POLR3C: variants seen among roughly 807,000 people sequenced by gnomAD.
POLR3C encodes DNA-directed RNA polymerase III subunit RPC3.
In POLR3C, 44 loss-of-function variants were observed where a neutral mutation model predicts 65.9. The ratio of observed to expected loss-of-function variants is 0.67; its 90% confidence interval spans 0.52 to 0.86. The LOEUF (loss-of-function observed/expected upper bound fraction) is 0.86. Among genes scored for constraint, POLR3C ranks in the 40% least tolerant of loss-of-function variants. POLR3C has a pLI of 0.00. For synonymous variants in POLR3C, 263 were observed against 231.6 expected, an observed-to-expected ratio of 1.14 and a Z score of -1.23; for missense variants, 576 against 653.2, an observed-to-expected ratio of 0.88 and a Z score of 1.29.
rs782403007 is a variant in POLR3C, at chr1:145,826,974, C to T, written c.558C>T (p.Asp186=). 3 of 1,611,660 alleles carry T rather than the reference C, an allele frequency of 1.9e-6. No homozygotes were observed. Among genetic ancestry groups the T allele is most frequent in the African/African-American group, 1.3e-5 (1 of 74,710 alleles). ...PAPTLVINEK[D]MYLVPKLSLI... Reference sequence around the variant, plus strand: ...CCACACTTGTCATTAATGAAAAGGACATGTACCTGGTTCCTAAACTCAGCT... The same window carrying T: ...CCACACTTGTCATTAATGAAAAGGATATGTACCTGGTTCCTAAACTCAGCT... The change falls in exon 4 of 15, where the codon GAC becomes GAT. Residue 186 remains aspartate (D), a synonymous_variant. Coordinates refer to ENST00000334163, the MANE Select transcript of POLR3C (RefSeq NM_006468.8).
At chr1:145,834,131 A>T (rs1185086181) in intron 7 of POLR3C, among the ~76,000 whole-genome samples, 1 of 152,220 alleles carries the variant, frequency 6.6e-6, no homozygotes, top group Non-Finnish European at 1.5e-5. Flanking sequence ...CCTGTACAGC[A>T]TGTTACTGTA....
In POLR3C at chr1:145,837,930, T is replaced by C. The variant is rs1457063295; in HGVS notation, c.1071-126T>C. On this transcript the variant is annotated intron_variant, in intron 10 of 14. Coordinates refer to ENST00000334163, the MANE Select transcript of POLR3C (RefSeq NM_006468.8). ...ACCAACCTATGGAGCTGTAGAATAA[T>C]TTTCTGATCACTGTTCCTGTCTGGT... is the stretch of plus-strand genomic sequence containing the variant. 17 of 835,616 alleles carry C rather than the reference T, an allele frequency of 2.0e-5. No individual in the cohort carries two copies. The Admixed American group carries it at 2.8e-4, about 14-fold the overall frequency. 51.8% of individuals were successfully genotyped at this position (835,616 alleles called of 1,614,324 possible). A position where few individuals can be genotyped will look rare whatever the true frequency, so the allele number is the denominator to read the frequency against.
chr1:145,833,712 G>C (rs587639325), intron 7 of POLR3C, 130 bp downstream of exon 7: 1 of 676,226 alleles, frequency 1.5e-6, no homozygotes, highest in East Asian at 2.5e-5. Flanking sequence ...GTGGAGCAGG[G>C]ATTATCTTCA....
At chr1:145,841,713 T>TAAA (rs1652307449) in intron 14 of POLR3C, among the ~76,000 whole-genome samples, 2 of 152,184 alleles carry the variant, frequency 1.3e-5, no homozygotes, top group Admixed American at 1.3e-4. Context: ...TTTTTGCAGA[T>TAAA]TCTTTGAGAT....
intron 14 of POLR3C, among the ~76,000 whole-genome samples, chr1:145,841,868 G>A (rs1262388535): frequency 6.6e-6 from 1 of 151,906 alleles, no homozygotes; most frequent in Non-Finnish European, 1.5e-5. Context: ...TACAAAAGCA[G>A]ACATCTTTGT....
chr1:145,827,617 G>A (rs1345610373), intron 4 of POLR3C, among the ~76,000 whole-genome samples: 1 of 152,064 alleles, frequency 6.6e-6, no homozygotes, highest in African/African-American at 2.4e-5. Context: ...AAATTAGCTG[G>A]GTGTGGTGGC....
At chr1:145,835,510 G>T (rs1271570929) in intron 7 of POLR3C, among the ~76,000 whole-genome samples, 3 of 152,024 alleles carry the variant, frequency 2.0e-5, no homozygotes, top group African/African-American at 7.2e-5. Flanking sequence ...ATATATGTGG[G>T]TATATGTATT....
chr1:145,833,712 G>T (rs587639325), intron 7 of POLR3C, 130 bp downstream of exon 7: 7 of 676,108 alleles, frequency 1.0e-5, no homozygotes, highest in African/African-American at 5.3e-5. Flanking sequence ...GTGGAGCAGG[G>T]ATTATCTTCA....
intron 5 of POLR3C, among the ~76,000 whole-genome samples, chr1:145,832,004 T>C (rs1651368099): frequency 1.3e-5 from 2 of 151,646 alleles, no homozygotes; most frequent in Admixed American, 1.3e-4. Flanking sequence ...ATCACACCAC[T>C]GCACTCCAGC....
chr1:145,840,925 T>C lies in POLR3C; in HGVS notation c.1377T>C (p.Arg459=), dbSNP rs200917794. ...RRQFETKENK[R]LLEKSQRVEA... Reference sequence around the variant, plus strand: ...CAGAGTTGTGTTTGTTTGACAGGCGTCTACTAGAAAAATCTCAGAGGGTAG... The same window carrying C: ...CAGAGTTGTGTTTGTTTGACAGGCGCCTACTAGAAAAATCTCAGAGGGTAG... The change falls in exon 14 of 15, where the codon CGT becomes CGC. Residue 459 remains arginine (R), a synonymous_variant. Coordinates refer to ENST00000334163, the MANE Select transcript of POLR3C (RefSeq NM_006468.8). 2.5e-6 allele frequency: 4 copies of C among 1,612,928 alleles called. No individual in the cohort carries two copies. Among genetic ancestry groups the C allele is most frequent in the South Asian group, 1.1e-5 (1 of 91,044 alleles).
rs2101654646 is a variant in POLR3C, at chr1:145,838,165, A to G, written c.1180A>G (p.Met394Val). The change falls in exon 11 of 15, where the codon ATG (methionine) becomes GTG (valine). Residue 394 changes from methionine (M) to valine (V), a missense_variant. By Grantham distance (21) the Met-to-Val change is conservative. Transcript: ENST00000334163. ...AMIPAKEAKDMLYKMLSENFM... is the reference protein window; with the variant it reads ...AMIPAKEAKDVLYKMLSENFM... Reference sequence around the variant, plus strand: ...GATTCCTGCAAAGGAGGCAAAGGATATGCTATATAAGATGCTCTCAGAAAA... The same window carrying G: ...GATTCCTGCAAAGGAGGCAAAGGATGTGCTATATAAGATGCTCTCAGAAAA... 1 of 1,614,016 alleles carries G rather than the reference A, an allele frequency of 6.2e-7. No homozygotes were observed. Among genetic ancestry groups the G allele is most frequent in the Non-Finnish European group, 8.5e-7 (1 of 1,179,816 alleles).
At position 145,824,222 on chromosome 1, in the gene POLR3C, T is replaced by C. The variant is rs1570711998; in HGVS notation, c.-168T>C. The C allele has an allele frequency of 3.5e-6, 1 of 284,970 alleles. No homozygotes were observed. 17.7% of individuals were successfully genotyped at this position (284,970 alleles called of 1,614,324 possible). A position where few individuals can be genotyped will look rare whatever the true frequency, so the allele number is the denominator to read the frequency against. On this transcript the variant is annotated 5_prime_UTR_variant, in exon 1 of 15. Transcript: ENST00000334163. ...GGTAGAGTGGCACGCGCTTTTTGCT[T>C]TTCCGCGTCTTCTTCGGTGGCGATC...
intron 5 of POLR3C, among the ~76,000 whole-genome samples, chr1:145,830,160 C>T (rs1553726788): frequency 6.6e-6 from 1 of 151,552 alleles, no homozygotes; most frequent in African/African-American, 2.4e-5. Context: ...CTCTCCGTAC[C>T]TTTCATTACA....
intron 10 of POLR3C, 47 bp downstream of exon 10, chr1:145,837,643 C>A: frequency 8.3e-7 from 1 of 1,202,990 alleles, no homozygotes; most frequent in Non-Finnish European, 1.2e-6. Context: ...TTCCTATCCC[C>A]AGTGAAGTAA....
At chr1:145,836,675 C>A in intron 8 of POLR3C, 101 bp downstream of exon 8, 1 of 943,688 alleles carries the variant, frequency 1.1e-6, no homozygotes, top group Non-Finnish European at 1.8e-6. Flanking sequence ...GAGTTATTCT[C>A]TACCTAGCCA....
chr1:145,826,507 G>C lies in POLR3C; in HGVS notation c.201G>C (p.Val67=). 1.9e-6 allele frequency: 3 copies of C among 1,613,706 alleles called. No individual in the cohort carries two copies. The highest frequency in any genetic ancestry group is 2.5e-6 in the Non-Finnish European group (3 of 1,179,830). The change falls in exon 3 of 15, where the codon GTG becomes GTC. Residue 67 remains valine (V), a synonymous_variant. Coordinates refer to ENST00000334163, the MANE Select transcript of POLR3C (RefSeq NM_006468.8). The part of the protein sequence containing the change: ...LVQHNLVSYQ[V]HKRGVVEYEA... Reference sequence around the variant, plus strand: ...AACATAACCTGGTGAGTTATCAAGTGCACAAACGTGGTGTGGTGGAGTATG... The same window carrying C: ...AACATAACCTGGTGAGTTATCAAGTCCACAAACGTGGTGTGGTGGAGTATG...
intron 5 of POLR3C, among the ~76,000 whole-genome samples, chr1:145,831,533 AG>A (rs1250407320): frequency 6.8e-6 from 1 of 147,518 alleles, no homozygotes; most frequent in African/African-American, 2.5e-5. Flanking sequence ...AAAAAAAAAG[AG>A]AGAGTTCTAG....
intron 13 of POLR3C, 193 bp downstream of exon 13, chr1:145,840,358 G>A (rs1427635289): frequency 1.1e-5 from 6 of 541,950 alleles, no homozygotes; most frequent in Non-Finnish European, 2.0e-5. Flanking sequence ...TGGCCAACAT[G>A]GTGAAACCCT....
chr1:145,838,411 G>T (rs587621499), intron 11 of POLR3C, among the ~76,000 whole-genome samples: 2 of 152,290 alleles, frequency 1.3e-5, no homozygotes, highest in East Asian at 3.9e-4. Context: ...GCCGGGCACG[G>T]TGGTTCGCGC....
Sources: allele counts gnomAD v4.1 joint callset (sites outside exome capture counted in the v4.1 genomes callset), GRCh38; gene constraint gnomAD v4.1.1; transcripts MANE v1.5; gene names NCBI Gene and HGNC (gene_info 2026-07-23, HGNC 2026-07-21).